The following SCNN1B variants were observed in gnomAD, a reference collection of about 807,000 sequenced individuals.
SCNN1B encodes the protein epithelial sodium channel subunit beta.
SCNN1B carries 46 observed loss-of-function variants against 65.3 expected under a neutral mutation model. The ratio of observed to expected loss-of-function variants is 0.70; its 90% CI spans 0.56 to 0.90. The LOEUF is 0.90. SCNN1B is among the 40% of genes least tolerant of loss of function. The probability of loss-of-function intolerance (pLI) is 0.00; values close to 1 mark genes in which losing one functional copy is unlikely to be tolerated. For synonymous variants in SCNN1B, 349 were observed against 330.6 expected, an observed-to-expected ratio of 1.06 and a Z score of -0.60; for missense variants, 751 against 830.5, an observed-to-expected ratio of 0.90 and a Z score of 1.18.
chr16:23,375,114 G>A (rs979627082), intron 7 of SCNN1B, among the ~76,000 whole-genome samples: 1 of 152,244 alleles, frequency 6.6e-6, no homozygotes, highest in East Asian at 1.9e-4. Context: ...TGTTGGGGCC[G>A]AGTGAGTGGA....
intron 2 of SCNN1B, among the ~76,000 whole-genome samples, chr16:23,294,256 C>G (rs370823455): frequency 2.6e-5 from 4 of 152,004 alleles, no homozygotes; most frequent in African/African-American, 9.7e-5. Context: ...ATTAGCCACG[C>G]GAGATGGCGT....
intron 2 of SCNN1B, among the ~76,000 whole-genome samples, chr16:23,349,665 C>T (rs548724222): frequency 1.6e-4 from 24 of 152,256 alleles, no homozygotes; most frequent in Middle Eastern, 3.4e-3. Context: ...CTACTATGTG[C>T]CAGGCACTGT....
chr16:23,375,667 C>T, intron 7 of SCNN1B, 71 bp from the exon 8 acceptor site: 1 of 1,090,146 alleles, frequency 9.2e-7, no homozygotes, highest in Non-Finnish European at 1.4e-6. Flanking sequence ...TCTGGACACC[C>T]CTGGTGCTGG....
At chr16:23,376,724 A>C (rs1320252614) in intron 8 of SCNN1B, among the ~76,000 whole-genome samples, 1 of 150,478 alleles carries the variant, frequency 6.6e-6, no homozygotes, top group Admixed American at 6.6e-5. Flanking sequence ...AGCCTGGCCA[A>C]CATGGCAAAA....
At chr16:23,327,068 C>A (rs1461033068) in intron 1 of SCNN1B, among the ~76,000 whole-genome samples, 3 of 152,072 alleles carry the variant, frequency 2.0e-5, no homozygotes, top group Non-Finnish European at 4.4e-5. Flanking sequence ...AGGCATGCAT[C>A]ACTATGCTCA....
chr16:23,324,078 G>A (rs563718090), intron 1 of SCNN1B, among the ~76,000 whole-genome samples: 1 of 152,132 alleles, frequency 6.6e-6, no homozygotes, highest in African/African-American at 2.4e-5. Context: ...TTGCAAATGA[G>A]ACAACTGAGG....
chr16:23,354,363 T>C (rs1333074473), intron 3 of SCNN1B, among the ~76,000 whole-genome samples: 2 of 152,046 alleles, frequency 1.3e-5, no homozygotes, highest in African/African-American at 4.8e-5. Flanking sequence ...TGGCCGGGCG[T>C]GTTGGGAAGG....
chr16:23,376,595 C>A (rs940513480), intron 8 of SCNN1B, among the ~76,000 whole-genome samples: 15 of 151,776 alleles, frequency 9.9e-5, no homozygotes, highest in Admixed American at 4.6e-4. Flanking sequence ...GGAGCCCTGG[C>A]GGTCTGGAGT....
At chr16:23,321,615 C>T (rs995478268) in intron 1 of SCNN1B, among the ~76,000 whole-genome samples, 4 of 152,146 alleles carry the variant, frequency 2.6e-5, no homozygotes, top group African/African-American at 7.2e-5. Context: ...GCTGCAGAGG[C>T]AATGACCCCC....
At chr16:23,279,700 T>C (rs927222605) in intron 1 of SCNN1B, among the ~76,000 whole-genome samples, 29 of 152,334 alleles carry the variant, frequency 1.9e-4, no homozygotes, top group African/African-American at 6.5e-4. Context: ...AACACTTTTA[T>C]GTGTTGCACG....
intron 1 of SCNN1B, among the ~76,000 whole-genome samples, chr16:23,329,961 A>G (rs1961776608): frequency 6.6e-6 from 1 of 151,572 alleles, no homozygotes; most frequent in South Asian, 2.1e-4. Context: ...AGGCAGTTGG[A>G]GGCTGCGGTG....
intron 1 of SCNN1B, among the ~76,000 whole-genome samples, chr16:23,281,358 T>C (rs1960781286): frequency 6.6e-6 from 1 of 152,106 alleles, no homozygotes; most frequent in East Asian, 1.9e-4. Flanking sequence ...ACTTGAACTC[T>C]GGAGTGGGAG....
intron 1 of SCNN1B, among the ~76,000 whole-genome samples, chr16:23,335,665 TTGAACTCC>T (rs1335022058): frequency 1.3e-5 from 2 of 148,276 alleles, no homozygotes; most frequent in Non-Finnish European, 3.0e-5. Context: ...CAGACTAGTC[TTGAACTCC>T]TGACCTCAGG....
intron 2 of SCNN1B, 133 bp downstream of exon 2, chr16:23,349,043 TCTTC>T: frequency 1.3e-6 from 1 of 741,374 alleles, no homozygotes; most frequent in Non-Finnish European, 2.3e-6. Context: ...TTCTCCCCTT[TCTTC>T]CTTCCTTTCT....
intron 2 of SCNN1B, among the ~76,000 whole-genome samples, chr16:23,291,863 G>A (rs1213793920): frequency 1.3e-5 from 2 of 151,564 alleles, no homozygotes; most frequent in East Asian, 1.9e-4. Context: ...TTACAGGCGT[G>A]AGCTACCGCA....
Position 23,380,592 on chromosome 16 carries a change from G to A in SCNN1B, c.1714G>A (p.Ala572Thr), listed in dbSNP as rs377601796. ...GCAGCGGCGAGCCCAAGCCAGCTACGCTGGCCCACCGCCCACCGTGGCCGA... is the reference window on the plus strand; with the variant it reads ...GCAGCGGCGAGCCCAAGCCAGCTACACTGGCCCACCGCCCACCGTGGCCGA... ...LRQRRAQASY[A>T]GPPPTVAELV... The change falls in exon 13 of 13, where the codon GCT becomes ACT. Residue 572 changes from alanine (A) to threonine (T), a missense_variant. Coordinates refer to ENST00000343070, the MANE Select transcript of SCNN1B (RefSeq NM_000336.3). The surrounding 1 kb of genome is among the most constrained non-coding windows in gnomAD (Gnocchi z 5.4). The A allele has an allele frequency of 7.2e-5, 117 of 1,613,988 alleles. No homozygotes were observed. Among genetic ancestry groups the A allele is most frequent in the Middle Eastern group, 3.3e-4 (2 of 6,084 alleles).
chr16:23,307,172 A>C (rs528473547), intron 1 of SCNN1B, among the ~76,000 whole-genome samples: 23 of 152,292 alleles, frequency 1.5e-4, no homozygotes, highest in African/African-American at 5.5e-4. Context: ...TACTAAAAAA[A>C]CCCACTCTAC....
upstream of SCNN1B, among the ~76,000 whole-genome samples, chr16:23,300,527 A>AT (rs896949193): frequency 0.036 from 5,317 of 146,978 alleles, 288 homozygotes; most frequent in African/African-American, 0.12. Flanking sequence ...CTTCCCACTG[A>AT]TTTTTTTTTT....
intron 4 of SCNN1B, among the ~76,000 whole-genome samples, chr16:23,356,175 C>G (rs536661387): frequency 6.6e-5 from 10 of 152,272 alleles, no homozygotes; most frequent in South Asian, 4.1e-4. Flanking sequence ...CTTCTAGCAG[C>G]TGGGGGTGGG....
Sources: gnomAD v4.1 joint callset for allele counts (sites outside exome capture counted in the v4.1 genomes callset) on GRCh38, gnomAD v4.1.1 for gene constraint, Gnocchi (gnomAD v3.1) non-coding constraint, MANE v1.5 for transcripts, NCBI Gene and HGNC (gene_info 2026-07-23, HGNC 2026-07-21) for gene names.